Variants in ZNF385D observed in about 807,000 individuals in gnomAD.
ZNF385D encodes the protein zinc finger protein 385D.
In ZNF385D, 15 loss-of-function variants were observed where a neutral mutation model predicts 35.8. That is an observed-to-expected ratio of 0.42 (90% CI 0.28 to 0.64). The LOEUF (loss-of-function observed/expected upper bound fraction) is 0.64, where lower values mean the gene tolerates loss of function less well. Ranked by LOEUF, ZNF385D falls within the 30% of genes least tolerant of loss-of-function variation. The pLI is 0.23. For missense variants in ZNF385D, 474 were observed against 494.6 expected, an observed-to-expected ratio of 0.96 and a Z score of 0.39; for synonymous variants, 212 against 186.8, an observed-to-expected ratio of 1.13 and a Z score of -1.10.
At chr3:21,455,760 G>C (rs1702767008) in intron 4 of ZNF385D, among the ~76,000 whole-genome samples, 1 of 152,102 alleles carries the variant, frequency 6.6e-6, no homozygotes, top group Non-Finnish European at 1.5e-5. Context: ...AAACTAAAGA[G>C]CTTCTGCACA....
In ZNF385D at chr3:22,175,681, C is replaced by T. The variant is rs1033517346; in HGVS notation, c.107-6646G>A. On this transcript the variant is annotated intron_variant, in intron 2 of 5. Coordinates refer to the ZNF385D transcript ENST00000494108. ...ACGTAGTAACTTTTATTCAGCATTT[C>T]CTTGTATTAGGATTTAGAGAGTATT... Among the ~76,000 whole-genome samples the T allele has an allele frequency of 4.6e-5, 7 of 151,538 alleles. No homozygotes were observed. The South Asian group carries it at 1.3e-3, about 27-fold the overall frequency.
At chr3:21,786,827 C>A (rs991366227) in intron 3 of ZNF385D, among the ~76,000 whole-genome samples, 2 of 152,048 alleles carry the variant, frequency 1.3e-5, no homozygotes, top group African/African-American at 4.8e-5. Flanking sequence ...TCTTTTAAAC[C>A]AGAAACGAAT....
intron 5 of ZNF385D, 157 bp downstream of exon 5, chr3:21,436,813 T>C (rs900293845): frequency 6.6e-6 from 5 of 753,398 alleles, no homozygotes; most frequent in Non-Finnish European, 1.0e-5. Flanking sequence ...TAAATGACAC[T>C]TTGCTCGTCA....
At position 21,965,852 on chromosome 3, in the gene ZNF385D, G is replaced by T. The variant is rs115857957; in HGVS notation, c.325+202965C>A. 2.3e-3 allele frequency among the ~76,000 whole-genome samples: 345 copies of T among 152,240 alleles called. 3 individuals carry two copies. The highest frequency in any genetic ancestry group is 7.8e-3 in the African/African-American group (326 of 41,570). ...AGCTCAAAAATATGGAAGAAAGAAG[G>T]GAGGAAGGAATGGAAGAAGAAGAGA... is the stretch of plus-strand genomic sequence containing the variant. On this transcript the variant is annotated intron_variant, in intron 3 of 5. Transcript: ENST00000494108.
chr3:22,096,184 G>C (rs998005870), intron 3 of ZNF385D, among the ~76,000 whole-genome samples: 3 of 151,882 alleles, frequency 2.0e-5, no homozygotes, highest in Non-Finnish European at 4.4e-5. Context: ...GGGAGAGAAG[G>C]AGACAAGGGT....
At chr3:21,653,378 A>G (rs1377597132) in intron 2 of ZNF385D, among the ~76,000 whole-genome samples, 2 of 152,096 alleles carry the variant, frequency 1.3e-5, no homozygotes, top group African/African-American at 4.8e-5. Context: ...AAAAACAAAA[A>G]TGAACATTTT....
chr3:21,424,313 A>AT lies in ZNF385D; in HGVS notation c.853-250dup, dbSNP rs1553628859. Among the ~76,000 whole-genome samples the AT allele has an allele frequency of 3.2e-3, 161 of 50,912 alleles. 2 individuals carry two copies. The East Asian group carries it at 0.066, about 21-fold the overall frequency. 33.4% of individuals were successfully genotyped at this position (50,912 alleles called of 152,430 possible). On this transcript the variant is annotated intron_variant, in intron 6 of 7. Coordinates refer to ENST00000281523, the MANE Select transcript of ZNF385D (RefSeq NM_024697.3). ...TATATATATATATTTATATATATAT[A>AT]TATATTTTTTTTTTTTTTTGAGATG...
At chr3:21,908,946 T>C (rs965807027) in intron 3 of ZNF385D, among the ~76,000 whole-genome samples, 1 of 152,094 alleles carries the variant, frequency 6.6e-6, no homozygotes, top group South Asian at 2.1e-4. Context: ...ACCTAGTTAA[T>C]AATCACAAGT....
At chr3:22,290,153 A>C (rs545798381) in intron 2 of ZNF385D, among the ~76,000 whole-genome samples, 9 of 152,234 alleles carry the variant, frequency 5.9e-5, no homozygotes, top group African/African-American at 1.9e-4. Flanking sequence ...AATTGTGAGG[A>C]AACTTAGAGT....
intron 1 of ZNF385D, among the ~76,000 whole-genome samples, chr3:21,700,204 G>A (rs753901592): frequency 3.3e-5 from 5 of 152,124 alleles, no homozygotes; most frequent in East Asian, 3.9e-4. Context: ...GGGGGTAAAG[G>A]GGTTTAGCAT....
At chr3:22,154,543 A>T (rs967369571) in intron 3 of ZNF385D, among the ~76,000 whole-genome samples, 2 of 152,206 alleles carry the variant, frequency 1.3e-5, no homozygotes, top group Middle Eastern at 3.2e-3. Context: ...TTTGCTTTGC[A>T]CAAATTCACC....
chr3:21,870,914 G>A (rs1697657008), intron 3 of ZNF385D, among the ~76,000 whole-genome samples: 1 of 152,082 alleles, frequency 6.6e-6, no homozygotes, highest in Non-Finnish European at 1.5e-5. Context: ...CTCCAGACAT[G>A]TCTTCCTAGT....
chr3:21,839,111 A>G (rs1046663254), intron 3 of ZNF385D, among the ~76,000 whole-genome samples: 1 of 152,136 alleles, frequency 6.6e-6, no homozygotes, highest in Non-Finnish European at 1.5e-5. Context: ...TCAAATGGCT[A>G]TAAATGCAAA....
intron 3 of ZNF385D, among the ~76,000 whole-genome samples, chr3:21,916,539 C>T (rs1700200456): frequency 6.6e-6 from 1 of 152,152 alleles, no homozygotes. Context: ...ATTTTAACCA[C>T]AAATAATATA....
intron 3 of ZNF385D, among the ~76,000 whole-genome samples, chr3:22,036,076 T>C (rs575638552): frequency 9.2e-5 from 14 of 152,278 alleles, no homozygotes; most frequent in South Asian, 6.2e-4. Flanking sequence ...GAATCCTAAC[T>C]CCACCATGAG....
chr3:21,982,695 A>G lies in ZNF385D; in HGVS notation c.325+186122T>C, dbSNP rs550222106. ...AGGGGAATACTGCTAGCTTTTGCCT[A>G]TTCAGTATAACATTGACTGTGGATT... is the stretch of plus-strand genomic sequence containing the variant. On this transcript the variant is annotated intron_variant, in intron 3 of 5. Transcript: ENST00000494108. Among the ~76,000 whole-genome samples the G allele has an allele frequency of 2.6e-5, 4 of 152,242 alleles. No homozygotes were observed. In the East Asian group the frequency reaches 7.7e-4, roughly 29 times the overall value.
At chr3:21,897,729 A>T (rs575370427) in intron 3 of ZNF385D, among the ~76,000 whole-genome samples, 1 of 152,226 alleles carries the variant, frequency 6.6e-6, no homozygotes, top group South Asian at 2.1e-4. Flanking sequence ...CTAGTTGCAC[A>T]GTGGGTGTAT....
intron 3 of ZNF385D, among the ~76,000 whole-genome samples, chr3:21,772,949 T>C (rs778516092): frequency 2.4e-4 from 36 of 151,966 alleles, no homozygotes; most frequent in South Asian, 4.1e-4. Flanking sequence ...AAATAGCCAA[T>C]CACTAAAAGA....
At chr3:21,767,169 A>G (rs780219789) in intron 3 of ZNF385D, among the ~76,000 whole-genome samples, 17 of 150,872 alleles carry the variant, frequency 1.1e-4, no homozygotes, top group Non-Finnish European at 1.9e-4. Flanking sequence ...AGTCTTATGG[A>G]AATCACAGAT....
Sources: allele counts gnomAD v4.1 joint callset (sites outside exome capture counted in the v4.1 genomes callset), GRCh38; gene constraint gnomAD v4.1.1; transcripts MANE v1.5; gene names NCBI Gene and HGNC (gene_info 2026-07-23, HGNC 2026-07-21).